The following NOL4 variants were observed in gnomAD, a reference collection of about 807,000 sequenced individuals.
The protein encoded by NOL4 is nucleolar protein 4.
A neutral mutation model predicts 75.9 loss-of-function variants in NOL4; 17 were observed. That is an observed-to-expected ratio of 0.22 (90% CI 0.15 to 0.34). The LOEUF is 0.34. Among genes scored for constraint, NOL4 ranks in the 10% least tolerant of loss-of-function variants. The pLI is 1.00. For synonymous variants in NOL4, 292 were observed against 289.9 expected, an observed-to-expected ratio of 1.01 and a Z score of -0.07; for missense variants, 614 against 793.5, an observed-to-expected ratio of 0.77 and a Z score of 2.72.
At chr18:33,855,262 T>G (rs906243323) in intron 10 of NOL4, among the ~76,000 whole-genome samples, 1 of 152,130 alleles carries the variant, frequency 6.6e-6, no homozygotes, top group Non-Finnish European at 1.5e-5. Flanking sequence ...CACTGATGGT[T>G]GCTACCATTC....
At chr18:34,116,119 C>T (rs887063546) in intron 2 of NOL4, among the ~76,000 whole-genome samples, 2 of 152,116 alleles carry the variant, frequency 1.3e-5, no homozygotes, top group African/African-American at 4.8e-5. Flanking sequence ...AGCAATACTT[C>T]CATATAAAAG....
intron 8 of NOL4, among the ~76,000 whole-genome samples, chr18:33,951,154 ATTCAG>A (rs2069190863): frequency 6.6e-6 from 1 of 152,060 alleles, no homozygotes; most frequent in Non-Finnish European, 1.5e-5. Flanking sequence ...TTCCTTTTGG[ATTCAG>A]TTTCCTTCTT....
chr18:33,866,328 C>T (rs2063427077), intron 10 of NOL4, among the ~76,000 whole-genome samples: 1 of 152,044 alleles, frequency 6.6e-6, no homozygotes, highest in South Asian at 2.1e-4. Flanking sequence ...ATTTTAAAAT[C>T]TTCTTTTCCC....
intron 5 of NOL4, among the ~76,000 whole-genome samples, chr18:34,032,348 C>T (rs1441035320): frequency 6.6e-6 from 1 of 152,148 alleles, no homozygotes; most frequent in Non-Finnish European, 1.5e-5. Flanking sequence ...GCCTACCATG[C>T]TGACACCCAC....
intron 10 of NOL4, among the ~76,000 whole-genome samples, chr18:33,866,052 C>T (rs2063414286): frequency 6.6e-6 from 1 of 152,176 alleles, no homozygotes; most frequent in Non-Finnish European, 1.5e-5. Flanking sequence ...ACCTTATAGA[C>T]TGTACTCCCC....
At chr18:34,180,015 G>T (rs1381656211) in intron 1 of NOL4, among the ~76,000 whole-genome samples, 1 of 151,350 alleles carries the variant, frequency 6.6e-6, no homozygotes, top group South Asian at 2.1e-4. Context: ...TACAAAGAAA[G>T]CCAAAGACCA....
Position 34,036,445 on chromosome 18 carries a change from G to C in NOL4, c.773-16844C>G, listed in dbSNP as rs149056023. On this transcript the variant is annotated intron_variant, in intron 5 of 10. Coordinates refer to ENST00000261592, the MANE Select transcript of NOL4 (RefSeq NM_003787.5). Reference sequence around the variant, plus strand: ...TAAAAGCTTCAACCAATTAGGCATAGAAGGACCATACCTCAACACAATAAA... The same window carrying C: ...TAAAAGCTTCAACCAATTAGGCATACAAGGACCATACCTCAACACAATAAA... Among the ~76,000 whole-genome samples the C allele has an allele frequency of 6.5e-3, 992 of 152,266 alleles. 7 individuals are homozygous for C. The highest frequency in any genetic ancestry group is 0.012 in the Admixed American group (191 of 15,290).
intron 1 of NOL4, among the ~76,000 whole-genome samples, chr18:34,212,652 G>A (rs2036590667): frequency 6.6e-6 from 1 of 152,132 alleles, no homozygotes; most frequent in Admixed American, 6.6e-5. Context: ...TTCTCATTTG[G>A]AAACTCCACT....
At chr18:34,020,063 A>G (rs1422917777) in intron 5 of NOL4, among the ~76,000 whole-genome samples, 1 of 152,042 alleles carries the variant, frequency 6.6e-6, no homozygotes, top group Non-Finnish European at 1.5e-5. Context: ...AGCTTCCAGA[A>G]GCCCTCACCA....
intron 1 of NOL4, among the ~76,000 whole-genome samples, chr18:34,147,941 T>C (rs987062538): frequency 6.6e-6 from 1 of 152,122 alleles, no homozygotes; most frequent in Non-Finnish European, 1.5e-5. Flanking sequence ...GGTTTAGTTT[T>C]GGGAGGGTGT....
intron 6 of NOL4, among the ~76,000 whole-genome samples, chr18:33,974,385 A>G (rs2071330584): frequency 6.6e-6 from 1 of 152,122 alleles, no homozygotes; most frequent in South Asian, 2.1e-4. Context: ...ATCAGCAATA[A>G]AGCTGTTTTG....
Position 34,223,339 on chromosome 18 carries a change from C to A in NOL4, c.-86G>T, listed in dbSNP as rs920775600. The A allele has an allele frequency of 1.3e-6, 2 of 1,535,296 alleles. No homozygotes were observed. The highest frequency in any genetic ancestry group is 1.8e-5 in the Admixed American group (1 of 54,160). ...GGCTCATGAAAAATGCAGCCCCGGC[C>A]ACGTTGCAGGGATGCGAGGTCCCGG... On this transcript the variant is annotated 5_prime_UTR_variant, in exon 1 of 11. Coordinates refer to ENST00000261592, the MANE Select transcript of NOL4 (RefSeq NM_003787.5).
At chr18:33,992,122 T>C (rs79235493) in intron 6 of NOL4, among the ~76,000 whole-genome samples, 2 of 152,148 alleles carry the variant, frequency 1.3e-5, no homozygotes, top group East Asian at 1.9e-4. Context: ...TCCATTCTGA[T>C]CTACTTAACC....
chr18:33,948,050 G>C (rs150494241), intron 8 of NOL4, among the ~76,000 whole-genome samples: 2 of 151,914 alleles, frequency 1.3e-5, no homozygotes, highest in African/African-American at 4.8e-5. Context: ...GTACATTTAG[G>C]ATGCCACAGG....
intron 1 of NOL4, among the ~76,000 whole-genome samples, chr18:34,186,067 C>T (rs1207456769): frequency 6.6e-6 from 1 of 152,096 alleles, no homozygotes; most frequent in Non-Finnish European, 1.5e-5. Flanking sequence ...TGAAATACAT[C>T]ATTTTGCTTT....
At chr18:34,195,009 CAA>C (rs1039877642) in intron 1 of NOL4, among the ~76,000 whole-genome samples, 2 of 143,880 alleles carry the variant, frequency 1.4e-5, no homozygotes, top group African/African-American at 5.2e-5. Flanking sequence ...GGGCAACAAA[CAA>C]GAGCGAAACT....
chr18:34,220,931 G>T (rs1282372094), intron 1 of NOL4: 1 of 151,684 alleles, frequency 6.6e-6, no homozygotes, highest in Non-Finnish European at 1.5e-5. Flanking sequence ...TAATTCTTTA[G>T]CTATTCTGCA....
intron 1 of NOL4, among the ~76,000 whole-genome samples, chr18:34,204,470 G>C (rs894630942): frequency 6.6e-6 from 1 of 151,942 alleles, no homozygotes; most frequent in Non-Finnish European, 1.5e-5. Context: ...TGCATTTTAA[G>C]GCTAGGGTAA....
chr18:33,919,864 C>A (rs574195611), intron 9 of NOL4, among the ~76,000 whole-genome samples: 2 of 152,128 alleles, frequency 1.3e-5, no homozygotes, highest in East Asian at 1.9e-4. Context: ...TACAACTAAG[C>A]AAAACATTTA....
Sources: gnomAD v4.1 joint callset for allele counts (sites outside exome capture counted in the v4.1 genomes callset) on GRCh38, gnomAD v4.1.1 for gene constraint, MANE v1.5 for transcripts, NCBI Gene and HGNC (gene_info 2026-07-23, HGNC 2026-07-21) for gene names.